Variants in BTD observed in about 807,000 individuals in gnomAD.
BTD encodes biotinidase, also known as biocytinase.
BTD carries 13 observed loss-of-function variants against 17.7 expected under a neutral mutation model. The observed-to-expected ratio is 0.74, with a 90% CI of 0.48 to 1.17. The LOEUF (loss-of-function observed/expected upper bound fraction) is 1.17, where lower values mean the gene tolerates loss of function less well. Among genes scored for constraint, BTD ranks in the 50% most tolerant of loss-of-function variants. The probability of loss-of-function intolerance (pLI) is 0.00; values close to 1 mark genes in which losing one functional copy is unlikely to be tolerated. For synonymous variants in BTD, 240 were observed against 245.2 expected (o/e 0.98, Z 0.20); for missense variants, 674 against 650.4 (o/e 1.04, Z -0.39).
At chr3:15,721,096 G>A in intron 4 of BTD, 1 of 1,613,002 alleles carries the variant, frequency 6.2e-7, no homozygotes, top group Non-Finnish European at 8.5e-7. Flanking sequence ...TACATGAAGA[G>A]GTGTATTTCC....
chr3:15,642,219 T>G lies in BTD; in HGVS notation c.399+162T>G, dbSNP rs186301318. ...TCCATGTGCCACATGTTCATTCCATTAAAGAATGTCTGACGTTACAAGGCA... is the reference window on the plus strand; with the variant it reads ...TCCATGTGCCACATGTTCATTCCATGAAAGAATGTCTGACGTTACAAGGCA... On this transcript the variant is annotated intron_variant, in intron 3 of 3. Coordinates refer to ENST00000643237, the MANE Select transcript of BTD (RefSeq NM_001370658.1). 53 of 1,483,702 alleles carry G rather than the reference T, an allele frequency of 3.6e-5. No individual in the cohort carries two copies. In the East Asian group the frequency reaches 1.2e-3, roughly 33 times the overall value. The allele number at this position is 1,483,702 out of a possible 1,614,324, so 91.9% of individuals were successfully genotyped here.
intron 3 of BTD, chr3:15,709,629 T>C (rs2071954682): frequency 2.1e-6 from 3 of 1,411,090 alleles, no homozygotes; most frequent in Admixed American, 4.7e-5. Flanking sequence ...AGTTATTAAG[T>C]AAAAATAGGC....
chr3:15,669,571 A>C (rs2066164138), intron 3 of BTD: 1 of 152,204 alleles, frequency 6.6e-6, no homozygotes, highest in Non-Finnish European at 1.5e-5. Context: ...TAATAGTATA[A>C]AAATTGGAAA....
intron 3 of BTD, chr3:15,668,021 A>G (rs927171972): frequency 6.6e-6 from 1 of 152,242 alleles, no homozygotes; most frequent in African/African-American, 2.4e-5. Flanking sequence ...TCCTTCCAAC[A>G]TTCTCAGGGT....
chr3:15,695,048 G>C, intron 3 of BTD: 1 of 781,536 alleles, frequency 1.3e-6, no homozygotes, highest in Non-Finnish European at 2.1e-6. Context: ...CCTTTCCTCT[G>C]TACACATGAT....
intron 1 of BTD, among the ~76,000 whole-genome samples, chr3:15,609,172 A>G (rs1309097776): frequency 6.6e-6 from 1 of 152,210 alleles, no homozygotes. Context: ...ACTTCAAAAA[A>G]AATACATTTA....
intron 1 of BTD, among the ~76,000 whole-genome samples, chr3:15,623,599 G>A (rs769762228): frequency 2.0e-5 from 3 of 152,138 alleles, no homozygotes; most frequent in African/African-American, 7.2e-5. Flanking sequence ...AATTTTGTAG[G>A]ATGTTTATAT....
chr3:15,623,188 G>A lies in BTD; in HGVS notation c.-16-12236G>A, dbSNP rs536775322. On this transcript the variant is annotated intron_variant, in intron 1 of 3. Transcript: ENST00000643237. ...CCTGGCTCCACCTTTGATACATGGG[G>A]ATTACTACAATTCAAGGTGAAATTT... Among the ~76,000 whole-genome samples, 4 of 152,292 alleles carry A rather than the reference G, an allele frequency of 2.6e-5. No individual in the cohort carries two copies. The East Asian group carries it at 7.7e-4, about 29-fold the overall frequency.
intron 3 of BTD, among the ~76,000 whole-genome samples, chr3:15,666,369 C>T (rs2065990257): frequency 6.6e-6 from 1 of 150,688 alleles, no homozygotes; most frequent in Non-Finnish European, 1.5e-5. Context: ...TCACAAATTA[C>T]CAGCCAGGTG....
intron 3 of BTD, chr3:15,667,762 T>A (rs1380168526): frequency 6.6e-6 from 1 of 152,164 alleles, no homozygotes; most frequent in Non-Finnish European, 1.5e-5. Flanking sequence ...GTTTTCTTAG[T>A]GGGGTGGCAT....
intron 2 of BTD, among the ~76,000 whole-genome samples, chr3:15,641,649 TC>T (rs997544271): frequency 6.6e-6 from 1 of 152,162 alleles, no homozygotes; most frequent in Admixed American, 6.5e-5. Flanking sequence ...ATTCCCTCCT[TC>T]CCTCACATGA....
chr3:15,678,228 AT>A, intron 3 of BTD: 1 of 1,610,894 alleles, frequency 6.2e-7, no homozygotes, highest in South Asian at 1.1e-5. Flanking sequence ...TTGTTTGTCC[AT>A]TTTCTGCAGC....
chr3:15,708,681 G>T (rs2071804665), intron 3 of BTD, among the ~76,000 whole-genome samples: 1 of 152,026 alleles, frequency 6.6e-6, no homozygotes, highest in Non-Finnish European at 1.5e-5. Context: ...AAGCCAAAGT[G>T]ATTTTTTTAT....
chr3:15,665,667 T>C (rs552542787), intron 3 of BTD, among the ~76,000 whole-genome samples: 9 of 152,324 alleles, frequency 5.9e-5, no homozygotes, highest in African/African-American at 1.9e-4. Flanking sequence ...CTCCCCAAAA[T>C]GGCAGAGAAT....
chr3:15,693,948 T>C (rs2069164521), intron 3 of BTD, among the ~76,000 whole-genome samples: 1 of 152,146 alleles, frequency 6.6e-6, no homozygotes, highest in South Asian at 2.1e-4. Context: ...GAACTTGTAG[T>C]GTTCCACATT....
intron 2 of BTD, among the ~76,000 whole-genome samples, chr3:15,637,721 G>A (rs377277715): frequency 2.6e-5 from 4 of 152,326 alleles, no homozygotes; most frequent in South Asian, 4.1e-4. Flanking sequence ...ATGGCACTGA[G>A]TCCAGCACCT....
intron 3 of BTD, among the ~76,000 whole-genome samples, chr3:15,677,321 C>T (rs564884908): frequency 2.4e-4 from 36 of 152,218 alleles, no homozygotes; most frequent in Middle Eastern, 3.4e-3. Context: ...GACTTTGATA[C>T]GCCATGGTGC....
rs74934255 is a variant in BTD, at chr3:15,651,550, G to T, written c.*6062G>T. Among the ~76,000 whole-genome samples, 774 of 152,336 alleles carry T rather than the reference G, an allele frequency of 5.1e-3. 4 individuals carry two copies. Among genetic ancestry groups the T allele is most frequent in the African/African-American group, 0.017 (727 of 41,570 alleles). ...AGAGAGCAGGCTGGCGGGAGCAGGG[G>T]CTGTGAGAGAGACAGCCAGACCGTA... is the stretch of plus-strand genomic sequence containing the variant. On this transcript the variant is annotated 3_prime_UTR_variant, in exon 4 of 4. Coordinates refer to ENST00000643237, the MANE Select transcript of BTD (RefSeq NM_001370658.1).
At chr3:15,629,339 C>G (rs1199633114) in intron 1 of BTD, among the ~76,000 whole-genome samples, 1 of 152,154 alleles carries the variant, frequency 6.6e-6, no homozygotes, top group Non-Finnish European at 1.5e-5. Context: ...TATTCCATAC[C>G]TACTCAATCA....
Sources: allele counts gnomAD v4.1 joint callset (sites outside exome capture counted in the v4.1 genomes callset), GRCh38; gene constraint gnomAD v4.1.1; transcripts MANE v1.5; gene names NCBI Gene and HGNC (gene_info 2026-07-23, HGNC 2026-07-21).